The following MTFR2 variants were observed in gnomAD, a reference collection of about 807,000 sequenced individuals.
The protein encoded by MTFR2 is mitochondrial fission regulator 2.
MTFR2 carries 44 observed loss-of-function variants against 41.2 expected under a neutral mutation model. The observed-to-expected ratio is 1.07, with a 90% CI of 0.84 to 1.37. The LOEUF (loss-of-function observed/expected upper bound fraction) is 1.37. MTFR2 is among the 40% of genes most tolerant of loss of function. The pLI is 0.00. For synonymous variants in MTFR2, 141 were observed against 154.6 expected (o/e 0.91, Z 0.65); for missense variants, 452 against 459.5 (o/e 0.98, Z 0.15).
At position 136,231,270 on chromosome 6, in the gene MTFR2, T is replaced by C; in HGVS notation, c.*5A>G. On this transcript the variant is annotated 3_prime_UTR_variant, in exon 8 of 8. Transcript: ENST00000420702. ...GGAAGTTTAAAGCTCAACCTTAAGTTGAGTTTAAATCCTTGAGTTTAGAAG... is the reference window on the plus strand; with the variant it reads ...GGAAGTTTAAAGCTCAACCTTAAGTCGAGTTTAAATCCTTGAGTTTAGAAG... 6.3e-7 allele frequency: 1 copy of C among 1,579,084 alleles called. No individual in the cohort carries two copies. The highest frequency in any genetic ancestry group is 2.2e-5 in the East Asian group (1 of 44,628).
intron 7 of MTFR2, 56 bp downstream of exon 7, chr6:136,233,269 A>G (rs750420197): frequency 6.7e-7 from 1 of 1,485,478 alleles, no homozygotes; most frequent in African/African-American, 1.4e-5. Flanking sequence ...AAGCTGTAAC[A>G]TAAACAACAC....
At chr6:136,238,666 T>C (rs1316450383) in intron 6 of MTFR2, among the ~76,000 whole-genome samples, 1 of 147,412 alleles carries the variant, frequency 6.8e-6, no homozygotes, top group Non-Finnish European at 1.5e-5. Flanking sequence ...TAGAGCTCAT[T>C]ATGTTTTTTC....
At chr6:136,248,544 C>T (rs1362055785) in intron 2 of MTFR2, 2 of 154,334 alleles carry the variant, frequency 1.3e-5, no homozygotes, top group South Asian at 2.0e-4. Flanking sequence ...ATTGTGAGGC[C>T]TCCCCAGCCA....
At chr6:136,242,181 T>C (rs1340848769) in intron 4 of MTFR2, among the ~76,000 whole-genome samples, 2 of 151,950 alleles carry the variant, frequency 1.3e-5, no homozygotes, top group Non-Finnish European at 2.9e-5. Flanking sequence ...TTTAGCTTTG[T>C]ATTCCCAATA....
At chr6:136,245,282 T>C (rs968117133) in intron 2 of MTFR2, among the ~76,000 whole-genome samples, 1 of 152,122 alleles carries the variant, frequency 6.6e-6, no homozygotes, top group Non-Finnish European at 1.5e-5. Flanking sequence ...AACGACGTAA[T>C]ATGGAGTATA....
At chr6:136,233,252 G>T (rs1041900392) in intron 7 of MTFR2, 73 bp downstream of exon 7, 10 of 1,321,414 alleles carry the variant, frequency 7.6e-6, no homozygotes, top group Middle Eastern at 1.8e-4. Context: ...AAGAGAACTT[G>T]AACACAAAGC....
At position 136,237,637 on chromosome 6, in the gene MTFR2, C is replaced by G. The variant is rs190650025; in HGVS notation, c.869+1829G>C. 4.7e-3 allele frequency among the ~76,000 whole-genome samples: 707 copies of G among 149,750 alleles called. 4 individuals are homozygous for G. Among genetic ancestry groups the G allele is most frequent in the African/African-American group, 0.017 (668 of 39,214 alleles). ...CCAGCCTGGCCAACATGGTGAAACCCTGTCTCTACTAAAACTACAAAAATT... is the reference window on the plus strand; with the variant it reads ...CCAGCCTGGCCAACATGGTGAAACCGTGTCTCTACTAAAACTACAAAAATT... On this transcript the variant is annotated intron_variant, in intron 6 of 7. Transcript: ENST00000420702.
At chr6:136,248,453 A>C (rs373595830) in intron 2 of MTFR2, among the ~76,000 whole-genome samples, 326 of 152,282 alleles carry the variant, frequency 2.1e-3, no homozygotes, top group East Asian at 8.3e-3. Context: ...ATGGTTTTAT[A>C]AACAGGAGTT....
intron 5 of MTFR2, among the ~76,000 whole-genome samples, chr6:136,240,952 G>A (rs1043696044): frequency 7.9e-5 from 12 of 152,136 alleles, no homozygotes; most frequent in Non-Finnish European, 1.5e-4. Flanking sequence ...TTAGCCGAGC[G>A]TGGTGGCGGG....
chr6:136,234,160 C>A lies in MTFR2; in HGVS notation c.870-661G>T, dbSNP rs142934108. ...CAGCTTGGGTAACATAGCGAGACCCCATCTCTAGAAAAAATTTAAAAATTA... is the reference window on the plus strand; with the variant it reads ...CAGCTTGGGTAACATAGCGAGACCCAATCTCTAGAAAAAATTTAAAAATTA... On this transcript the variant is annotated intron_variant, in intron 6 of 7. Transcript: ENST00000420702. Among the ~76,000 whole-genome samples, 606 of 151,700 alleles carry A rather than the reference C, an allele frequency of 4.0e-3. 5 individuals are homozygous for A. The highest frequency in any genetic ancestry group is 0.014 in the African/African-American group (586 of 41,360).
intron 6 of MTFR2, among the ~76,000 whole-genome samples, chr6:136,237,134 A>G (rs1339907805): frequency 6.6e-6 from 1 of 152,166 alleles, no homozygotes; most frequent in Non-Finnish European, 1.5e-5. Flanking sequence ...CACAAGGGAG[A>G]ATGAAGAACT....
chr6:136,246,657 C>T (rs1287066523), intron 2 of MTFR2, among the ~76,000 whole-genome samples: 1 of 152,108 alleles, frequency 6.6e-6, no homozygotes, highest in Non-Finnish European at 1.5e-5. Context: ...TACTAATTTT[C>T]CTACCAAGCA....
rs1282131680 is a variant in MTFR2, at chr6:136,244,888, A to C, written c.64-19T>G. 2.0e-6 allele frequency: 3 copies of C among 1,495,944 alleles called. No individual in the cohort carries two copies. The highest frequency in any genetic ancestry group is 2.4e-5 in the South Asian group (2 of 85,084). The allele number at this position is 1,495,944 out of a possible 1,614,324, so 92.7% of individuals were successfully genotyped here. A position where few individuals can be genotyped will look rare whatever the true frequency, so the allele number is the denominator to read the frequency against. ...GCAAAACCTATTTTAAACATAAAGT[A>C]TGAATTAAAATGCACTCTGATTAAG... On this transcript the variant is annotated intron_variant, in intron 2 of 7. Transcript: ENST00000420702.
intron 4 of MTFR2, 32 bp from the exon 5 acceptor site, chr6:136,241,708 A>G: frequency 6.6e-7 from 1 of 1,509,106 alleles, no homozygotes; most frequent in Non-Finnish European, 9.1e-7. Flanking sequence ...AAATGGAGGG[A>G]AGATATATTT....
At position 136,231,245 on chromosome 6, in the gene MTFR2, G is replaced by A; in HGVS notation, c.*30C>T. ...AATTTATCATCCAGGAAGAAGTTTT[G>A]GAAGTTTAAAGCTCAACCTTAAGTT... On this transcript the variant is annotated 3_prime_UTR_variant, in exon 8 of 8. Transcript: ENST00000420702. The A allele has an allele frequency of 7.2e-7, 1 of 1,386,980 alleles. No homozygotes were observed. Among genetic ancestry groups the A allele is most frequent in the Admixed American group, 1.8e-5 (1 of 55,470 alleles). 85.9% of individuals were successfully genotyped at this position (1,386,980 alleles called of 1,614,324 possible). A position where few individuals can be genotyped will look rare whatever the true frequency, so the allele number is the denominator to read the frequency against.
At chr6:136,248,424 A>G (rs1780272807) in intron 2 of MTFR2, among the ~76,000 whole-genome samples, 2 of 152,330 alleles carry the variant, frequency 1.3e-5, no homozygotes, top group South Asian at 2.1e-4. Flanking sequence ...GTGGTAGTGA[A>G]TAAGTCTCAT....
At chr6:136,246,838 A>G (rs1780224324) in intron 2 of MTFR2, among the ~76,000 whole-genome samples, 1 of 152,248 alleles carries the variant, frequency 6.6e-6, no homozygotes, top group African/African-American at 2.4e-5. Flanking sequence ...CAATTCCATG[A>G]TGACTTCAGC....
chr6:136,247,541 T>A (rs746874134), intron 2 of MTFR2: 3 of 456,080 alleles, frequency 6.6e-6, no homozygotes, highest in Admixed American at 2.3e-5. Context: ...TGATGACAAA[T>A]ATGCTGAAGT....
At chr6:136,236,934 G>A (rs1160858147) in intron 6 of MTFR2, among the ~76,000 whole-genome samples, 2 of 152,222 alleles carry the variant, frequency 1.3e-5, no homozygotes, top group African/African-American at 4.8e-5. Flanking sequence ...TAGAAGGGGA[G>A]ACAGGAGATA....
Sources: gnomAD v4.1 joint callset for allele counts (sites outside exome capture counted in the v4.1 genomes callset) on GRCh38, gnomAD v4.1.1 for gene constraint, MANE v1.5 for transcripts, NCBI Gene and HGNC (gene_info 2026-07-23, HGNC 2026-07-21) for gene names.